The following AP3S1 variants were observed in gnomAD, a reference collection of about 807,000 sequenced individuals.
AP3S1 encodes the protein adaptor related protein complex 3 subunit sigma 1.
Under a neutral mutation model 21.3 loss-of-function variants are expected in AP3S1, and 12 were observed. The ratio of observed to expected loss-of-function variants is 0.56; its 90% CI spans 0.36 to 0.91. The LOEUF (loss-of-function observed/expected upper bound fraction) is 0.91, where lower values mean the gene tolerates loss of function less well. AP3S1 is among the 40% of genes least tolerant of loss of function. AP3S1 has a pLI of 0.01. For missense variants in AP3S1, 116 were observed against 225.0 expected (o/e 0.52, Z 3.10); for synonymous variants, 48 against 78.4 (o/e 0.61, Z 2.05).
chr5:115,890,504 A>G (rs1750202370), intron 3 of AP3S1, among the ~76,000 whole-genome samples: 1 of 152,194 alleles, frequency 6.6e-6, no homozygotes, highest in African/African-American at 2.4e-5. Flanking sequence ...ATGGTTGATA[A>G]GTGACTGATG....
chr5:115,879,379 C>A (rs756675599), intron 3 of AP3S1, among the ~76,000 whole-genome samples: 1 of 152,122 alleles, frequency 6.6e-6, no homozygotes, highest in Non-Finnish European at 1.5e-5. Context: ...TCCATCTATA[C>A]GTAGTTTACT....
At chr5:115,850,651 G>A (rs1469023372) in intron 1 of AP3S1, among the ~76,000 whole-genome samples, 2 of 152,112 alleles carry the variant, frequency 1.3e-5, no homozygotes, top group Non-Finnish European at 2.9e-5. Context: ...CTTTTAGCAC[G>A]TCTTCGAAGT....
chr5:115,860,803 G>A (rs556746386), intron 1 of AP3S1, among the ~76,000 whole-genome samples: 18 of 152,262 alleles, frequency 1.2e-4, no homozygotes, highest in African/African-American at 4.3e-4. Flanking sequence ...GCTGGGGTTT[G>A]GGCAGGCAAC....
At chr5:115,888,600 T>C (rs761445747) in intron 3 of AP3S1, among the ~76,000 whole-genome samples, 5 of 152,150 alleles carry the variant, frequency 3.3e-5, no homozygotes, top group Non-Finnish European at 7.4e-5. Flanking sequence ...TGACATTTTG[T>C]TGCAGGGTAC....
chr5:115,906,346 T>G (rs1316654823), intron 5 of AP3S1, among the ~76,000 whole-genome samples: 1 of 152,164 alleles, frequency 6.6e-6, no homozygotes, highest in Non-Finnish European at 1.5e-5. Flanking sequence ...CTAGGGGCCT[T>G]TGTCAGAAAT....
intron 1 of AP3S1, among the ~76,000 whole-genome samples, chr5:115,861,386 C>T (rs537517209): frequency 1.3e-5 from 2 of 152,110 alleles, no homozygotes; most frequent in Non-Finnish European, 1.5e-5. Context: ...TTTTGGAGAA[C>T]GTTTTATGGC....
intron 5 of AP3S1, chr5:115,906,956 T>C (rs1751701240): frequency 7.2e-7 from 1 of 1,382,576 alleles, no homozygotes; most frequent in Admixed American, 3.0e-5. Flanking sequence ...AAAAATTCTT[T>C]GTGTTAATAA....
At chr5:115,869,139 G>A (rs901987091) in intron 2 of AP3S1, among the ~76,000 whole-genome samples, 5 of 152,018 alleles carry the variant, frequency 3.3e-5, no homozygotes, top group African/African-American at 1.2e-4. Context: ...ACTATATTTA[G>A]AAAAATATGT....
At chr5:115,857,205 A>G (rs1211645067) in intron 1 of AP3S1, among the ~76,000 whole-genome samples, 1 of 152,240 alleles carries the variant, frequency 6.6e-6, no homozygotes, top group African/African-American at 2.4e-5. Flanking sequence ...ATGAGATTTT[A>G]TTGTCCTTAG....
rs182403979 is a variant in AP3S1 at position 115,866,276 on chromosome 5, T to A, written c.70-394T>A. Among the ~76,000 whole-genome samples the A allele has an allele frequency of 2.5e-3, 383 of 152,326 alleles. 3 individuals are homozygous for A. Among genetic ancestry groups the A allele is most frequent in the African/African-American group, 8.7e-3 (361 of 41,566 alleles). On this transcript the variant is annotated intron_variant, in intron 1 of 5. Coordinates refer to ENST00000316788, the MANE Select transcript of AP3S1 (RefSeq NM_001284.4). ...AAGCTCCATAGTTCTATTTCTTTCC[T>A]CCATTCAAATATAGATTAGCTACAC... is the stretch of plus-strand genomic sequence containing the variant.
Position 115,889,509 on chromosome 5 carries a change from T to A in AP3S1, c.274-5578T>A, listed in dbSNP as rs150965173. Among the ~76,000 whole-genome samples, 685 of 152,204 alleles carry A rather than the reference T, an allele frequency of 4.5e-3. 7 individuals are homozygous for A. The highest frequency in any genetic ancestry group is 0.016 in the African/African-American group (663 of 41,520). ...TGCTGTAAGCCAAGATTCCTTAAAG[T>A]GGACATAAAACAATGTTAACTACAA... On this transcript the variant is annotated intron_variant, in intron 3 of 5. Transcript: ENST00000316788.
intron 4 of AP3S1, among the ~76,000 whole-genome samples, chr5:115,897,613 G>A (rs1351069470): frequency 6.6e-6 from 1 of 151,844 alleles, no homozygotes; most frequent in Non-Finnish European, 1.5e-5. Context: ...CCAGGCTGGA[G>A]TGTAGTGGCG....
chr5:115,903,079 A>C, intron 5 of AP3S1, 87 bp downstream of exon 5: 1 of 964,718 alleles, frequency 1.0e-6, no homozygotes, highest in Non-Finnish European at 1.6e-6. Context: ...TTTGTCCTTC[A>C]GTATCACCCT....
intron 3 of AP3S1, among the ~76,000 whole-genome samples, chr5:115,872,571 A>T (rs1009536495): frequency 3.9e-5 from 6 of 152,092 alleles, no homozygotes; most frequent in Non-Finnish European, 5.9e-5. Flanking sequence ...CTAAGTGGAG[A>T]CTTGAAAGAA....
At chr5:115,843,840 A>G (rs376734376) in intron 1 of AP3S1, among the ~76,000 whole-genome samples, 2 of 152,202 alleles carry the variant, frequency 1.3e-5, no homozygotes, top group South Asian at 4.1e-4. Flanking sequence ...TCCCTTGTCC[A>G]AAAGTGGGAA....
At chr5:115,878,016 TTA>T in intron 3 of AP3S1, among the ~76,000 whole-genome samples, 1 of 152,320 alleles carries the variant, frequency 6.6e-6, no homozygotes, top group Non-Finnish European at 1.5e-5. Flanking sequence ...AAGTTTCTGT[TTA>T]TATCCTTTGC....
At chr5:115,863,735 G>T (rs1171731355) in intron 1 of AP3S1, among the ~76,000 whole-genome samples, 1 of 152,162 alleles carries the variant, frequency 6.6e-6, no homozygotes. Flanking sequence ...TATAGAATAT[G>T]ATTTGAGAAA....
intron 3 of AP3S1, among the ~76,000 whole-genome samples, chr5:115,875,469 C>T (rs1257384410): frequency 3.3e-5 from 5 of 152,180 alleles, no homozygotes; most frequent in Admixed American, 6.6e-5. Flanking sequence ...GTGACAGATA[C>T]ACTGTTTAAG....
intron 1 of AP3S1, among the ~76,000 whole-genome samples, chr5:115,853,608 G>A (rs1762598842): frequency 6.6e-6 from 1 of 152,112 alleles, no homozygotes; most frequent in Non-Finnish European, 1.5e-5. Flanking sequence ...TTATACCTAG[G>A]TCTGTGGTCC....
Sources: gnomAD v4.1 joint callset for allele counts (sites outside exome capture counted in the v4.1 genomes callset) on GRCh38, gnomAD v4.1.1 for gene constraint, MANE v1.5 for transcripts, NCBI Gene and HGNC (gene_info 2026-07-23, HGNC 2026-07-21) for gene names.